The following NCOR2 variants were observed in gnomAD, a reference collection of about 807,000 sequenced individuals.
NCOR2 encodes the protein nuclear receptor corepressor 2.
In NCOR2, 81 loss-of-function variants were observed where a neutral mutation model predicts 262.9. That is an observed-to-expected ratio of 0.31 (90% confidence interval 0.26 to 0.37). The LOEUF is 0.37. Ranked by LOEUF, NCOR2 falls within the 10% of genes least tolerant of loss-of-function variation. NCOR2 has a pLI of 1.00. For missense variants in NCOR2, 3,385 were observed against 3,621.4 expected (o/e 0.93, Z 1.68); for synonymous variants, 1,659 against 1,559.3 (o/e 1.06, Z -1.51).
At position 124,395,247 on chromosome 12, in the gene NCOR2, G is replaced by A. The variant is rs2041573190; in HGVS notation, c.1876+2872C>T. Reference sequence around the variant, plus strand: ...TTCCTAACTCTTGGTTTTCTGGGCGGGGGCTCCAGAACGTTCCTAGCTTCT... The same window carrying A: ...TTCCTAACTCTTGGTTTTCTGGGCGAGGGCTCCAGAACGTTCCTAGCTTCT... On this transcript the variant is annotated intron_variant, in intron 16 of 46. Coordinates refer to ENST00000405201, the Ensembl canonical transcript of NCOR2. Among the ~76,000 whole-genome samples, 5 of 152,126 alleles carry A rather than the reference G, an allele frequency of 3.3e-5. No homozygotes were observed. The South Asian group carries it at 8.3e-4, about 25-fold the overall frequency.
chr12:124,509,551 G>A (rs2049271415), intron 1 of NCOR2, among the ~76,000 whole-genome samples: 1 of 152,180 alleles, frequency 6.6e-6, no homozygotes, highest in Non-Finnish European at 1.5e-5. Flanking sequence ...GGATCTCCCT[G>A]GAATCAGATC....
chr12:124,436,243 C>G (rs553909723), intron 8 of NCOR2, among the ~76,000 whole-genome samples: 1 of 152,218 alleles, frequency 6.6e-6, no homozygotes, highest in Non-Finnish European at 1.5e-5. Context: ...GACCTACAGG[C>G]GCTGGGCATG....
chr12:124,535,826 C>T (rs2051096469), upstream of NCOR2, among the ~76,000 whole-genome samples: 1 of 152,090 alleles, frequency 6.6e-6, no homozygotes, highest in East Asian at 1.9e-4. Flanking sequence ...AATCTCATGC[C>T]CAGGTTCTCA....
At chr12:124,353,039 G>A (rs533420967) in intron 27 of NCOR2, among the ~76,000 whole-genome samples, 76 of 152,334 alleles carry the variant, frequency 5.0e-4, no homozygotes, top group African/African-American at 1.7e-3. Context: ...GAGACTGCAC[G>A]GAAGTTTGAC....
In NCOR2 at chr12:124,457,852, C is replaced by G. The variant is rs2045963885; in HGVS notation, c.706-690G>C. Among the ~76,000 whole-genome samples, 1 of 152,214 alleles carries G rather than the reference C, an allele frequency of 6.6e-6. No individual in the cohort carries two copies. Among genetic ancestry groups the G allele is most frequent in the African/African-American group, 2.4e-5 (1 of 41,466 alleles). ...AGACATTGTGCCTCGGCCAGGCCCACCAGCCCGCAGCCTGGGACCACCAGG... is the reference window on the plus strand; with the variant it reads ...AGACATTGTGCCTCGGCCAGGCCCAGCAGCCCGCAGCCTGGGACCACCAGG... On this transcript the variant is annotated intron_variant, in intron 5 of 46. Transcript: ENST00000405201. The surrounding 1 kb of genome is among the most constrained non-coding windows in gnomAD (Gnocchi z 4.0).
chr12:124,359,687 G>A (rs906315779), intron 22 of NCOR2, among the ~76,000 whole-genome samples: 4 of 152,248 alleles, frequency 2.6e-5, no homozygotes, highest in African/African-American at 4.8e-5. Flanking sequence ...GAGAGAGGAG[G>A]GGAGCTGTTC....
rs1015729504 is a variant in NCOR2, at chr12:124,440,134, C to T, written c.816-2138G>A. ...CTTAACTTGCTGTCTGTCCCCAATC[C>T]GCGGCATTCAGTGGCACCCGCTTTT... On this transcript the variant is annotated intron_variant, in intron 7 of 46. Coordinates refer to ENST00000405201, the Ensembl canonical transcript of NCOR2. This position sits in a 1 kb window ranked among gnomAD's most constrained non-coding sequence, Gnocchi z 5.7. Among the ~76,000 whole-genome samples the T allele has an allele frequency of 6.6e-6, 1 of 152,192 alleles. No individual in the cohort carries two copies. Among genetic ancestry groups the T allele is most frequent in the Non-Finnish European group, 1.5e-5 (1 of 68,028 alleles).
chr12:124,406,327 T>C (rs2042272976), intron 13 of NCOR2, among the ~76,000 whole-genome samples: 2 of 152,198 alleles, frequency 1.3e-5, no homozygotes, highest in African/African-American at 4.8e-5. Flanking sequence ...CACCTGCAGG[T>C]GCACACACAT....
chr12:124,325,770 T>C (rs1476026315), intron 46 of NCOR2, among the ~76,000 whole-genome samples, 187 bp from the exon 49 acceptor site: 1 of 152,170 alleles, frequency 6.6e-6, no homozygotes, highest in Non-Finnish European at 1.5e-5. Flanking sequence ...TCCGTCCCTG[T>C]TCACACCCTG....
At chr12:124,347,689 T>C (rs1254355015) in intron 30 of NCOR2, 136 bp downstream of exon 32, 4 of 813,762 alleles carry the variant, frequency 4.9e-6, no homozygotes, top group South Asian at 1.7e-5. Context: ...GTACTGATCA[T>C]GTACATGTGT....
At chr12:124,372,637 A>G in intron 19 of NCOR2, 27 bp from the exon 22 acceptor site, 1 of 1,580,872 alleles carries the variant, frequency 6.3e-7, no homozygotes, top group South Asian at 1.1e-5. Flanking sequence ...GGAAGAGGGG[A>G]TGAGCAGGGT....
At chr12:124,367,822 C>G (rs574650669) in intron 20 of NCOR2, among the ~76,000 whole-genome samples, 1 of 152,286 alleles carries the variant, frequency 6.6e-6, no homozygotes, top group Non-Finnish European at 1.5e-5. Context: ...TTAGCGGAGA[C>G]AGGCTTTCAC....
chr12:124,451,209 G>A (rs2045507529), intron 6 of NCOR2, among the ~76,000 whole-genome samples: 1 of 152,258 alleles, frequency 6.6e-6, no homozygotes, highest in Non-Finnish European at 1.5e-5. Context: ...AGCCTGGGCT[G>A]ATCTACAACG....
At chr12:124,371,915 C>A in intron 20 of NCOR2, 107 bp downstream of exon 22, 1 of 1,171,400 alleles carries the variant, frequency 8.5e-7, no homozygotes, top group Non-Finnish European at 1.2e-6. Context: ...ACCTCGGGCT[C>A]CCCCAAAGCA....
chr12:124,406,761 A>G (rs1243221637), intron 13 of NCOR2, among the ~76,000 whole-genome samples: 2 of 152,210 alleles, frequency 1.3e-5, no homozygotes. Context: ...CAAAGCCCCA[A>G]GAGACACCTG....
chr12:124,522,167 G>A (rs1350256013), intron 1 of NCOR2, among the ~76,000 whole-genome samples: 1 of 152,220 alleles, frequency 6.6e-6, no homozygotes, highest in Non-Finnish European at 1.5e-5. Context: ...AGAAGCATCT[G>A]CTGAGCCCCT....
intron 1 of NCOR2, among the ~76,000 whole-genome samples, chr12:124,505,191 G>A (rs1593874709): frequency 1.3e-5 from 2 of 152,300 alleles, no homozygotes; most frequent in Non-Finnish European, 2.9e-5. Context: ...CTGCCTGGCT[G>A]GTTGGACTCA....
At chr12:124,495,650 C>T (rs897088484), upstream of NCOR2, among the ~76,000 whole-genome samples, 2 of 152,180 alleles carry the variant, frequency 1.3e-5, no homozygotes, top group Non-Finnish European at 2.9e-5. The surrounding 1 kb of genome is among the most constrained non-coding windows in gnomAD (Gnocchi z 4.4). Flanking sequence ...CTCTGCGCTG[C>T]CCTCACCACC....
At position 124,378,359 on chromosome 12, in the gene NCOR2, T is replaced by TTCC. The variant is rs2040172774; in HGVS notation, c.2042_2044dup (p.Arg681dup). The TTCC allele has an allele frequency of 6.2e-7, 1 of 1,613,336 alleles. No homozygotes were observed. The highest frequency in any genetic ancestry group is 8.5e-7 in the Non-Finnish European group (1 of 1,179,836). On this transcript the variant is annotated inframe_insertion, in exon 18 of 47. Coordinates refer to ENST00000405201, the Ensembl canonical transcript of NCOR2. This position sits in a 1 kb window ranked among gnomAD's most constrained non-coding sequence, Gnocchi z 4.2. ...GGCCGCCGCCGGCGCTTTCTTCTTC[T>TTCC]TCCTCCGCGCGTTCCTCTCCTTCTC...
Sources: gnomAD v4.1 joint callset for allele counts (sites outside exome capture counted in the v4.1 genomes callset) on GRCh38, gnomAD v4.1.1 for gene constraint, Gnocchi (gnomAD v3.1) non-coding constraint, MANE v1.5 for transcripts, NCBI Gene and HGNC (gene_info 2026-07-23, HGNC 2026-07-21) for gene names.